BTNL8: variants seen among roughly 807,000 people sequenced by gnomAD.
The protein encoded by BTNL8 is butyrophilin like 8, also known as butyrophilin-like protein 8.
In BTNL8, 22 loss-of-function variants were observed where a neutral mutation model predicts 36.1. That is an observed-to-expected ratio of 0.61 (90% CI 0.44 to 0.87). The LOEUF (loss-of-function observed/expected upper bound fraction) is 0.87, where lower values mean the gene tolerates loss of function less well. Among genes scored for constraint, BTNL8 ranks in the 40% least tolerant of loss-of-function variants. The pLI, the probability that BTNL8 is intolerant of heterozygous loss-of-function variation, is 0.00. For missense variants in BTNL8, 526 were observed against 616.9 expected, an observed-to-expected ratio of 0.85 and a Z score of 1.56; for synonymous variants, 203 against 235.6, an observed-to-expected ratio of 0.86 and a Z score of 1.27.
At chr5:180,901,143 A>G (rs1054502437) in intron 1 of BTNL8, among the ~76,000 whole-genome samples, 3 of 152,244 alleles carry the variant, frequency 2.0e-5, no homozygotes, top group Non-Finnish European at 4.4e-5. Flanking sequence ...TGCCTCATTT[A>G]ATAATACTCT....
intron 3 of BTNL8, among the ~76,000 whole-genome samples, chr5:180,923,698 G>C (rs576327567): frequency 6.1e-4 from 92 of 151,972 alleles, no homozygotes; most frequent in Non-Finnish European, 1.1e-3. Context: ...TTCCAGGAAG[G>C]AAAAAATAGA....
At chr5:180,907,728 C>T (rs1757153092) in intron 1 of BTNL8, among the ~76,000 whole-genome samples, 1 of 152,030 alleles carries the variant, frequency 6.6e-6, no homozygotes, top group Non-Finnish European at 1.5e-5. Flanking sequence ...TGTTTGTTTT[C>T]CTTCTAACAG....
intron 3 of BTNL8, among the ~76,000 whole-genome samples, chr5:180,943,247 G>C (rs1369176173): frequency 6.9e-6 from 1 of 145,692 alleles, no homozygotes; most frequent in African/African-American, 2.6e-5. Context: ...TGATTCTCCT[G>C]CCTCAGCCTC....
chr5:180,931,849 C>T (rs1194060477), intron 3 of BTNL8, among the ~76,000 whole-genome samples: 1 of 152,140 alleles, frequency 6.6e-6, no homozygotes, highest in East Asian at 1.9e-4. Flanking sequence ...AAAGTTTTTA[C>T]ACTATTGGTG....
chr5:180,947,999 T>C (rs1233281396), intron 4 of BTNL8: 5 of 673,086 alleles, frequency 7.4e-6, no homozygotes, highest in African/African-American at 7.2e-5. Context: ...TTATATTCAG[T>C]CTCAATAAGA....
At chr5:180,912,223 T>C (rs1223733553) in intron 3 of BTNL8, among the ~76,000 whole-genome samples, 1 of 152,178 alleles carries the variant, frequency 6.6e-6, no homozygotes, top group Non-Finnish European at 1.5e-5. Flanking sequence ...CCATTGGCTC[T>C]TCTGGTTCTC....
Position 180,935,079 on chromosome 5 carries a change from G to A in BTNL8, c.674-12433G>A, listed in dbSNP as rs977994348. ...CTGCTTCTCACTTCATAGTCCTGAT[G>A]TCTGTCTGAGTCTAGGGGTTTTTAT... On this transcript the variant is annotated intron_variant, in intron 3 of 7. Transcript: ENST00000340184. The surrounding 1 kb of genome is among the most constrained non-coding windows in gnomAD (Gnocchi z 4.8). Among the ~76,000 whole-genome samples the A allele has an allele frequency of 6.6e-6, 1 of 152,190 alleles. No homozygotes were observed. The highest frequency in any genetic ancestry group is 2.4e-5 in the African/African-American group (1 of 41,432).
chr5:180,902,180 T>A (rs1262728293), intron 1 of BTNL8, among the ~76,000 whole-genome samples: 1 of 124,980 alleles, frequency 8.0e-6, no homozygotes, highest in East Asian at 2.2e-4. Flanking sequence ...GAAATGGGGA[T>A]GTTTGGGTTT....
chr5:180,911,066 CT>C (rs1161538260), intron 2 of BTNL8, among the ~76,000 whole-genome samples: 1 of 152,224 alleles, frequency 6.6e-6, no homozygotes, highest in Non-Finnish European at 1.5e-5. Flanking sequence ...ACTCTCTCTA[CT>C]TTAGCTGAGC....
At chr5:180,919,007 G>C (rs929686934) in intron 3 of BTNL8, among the ~76,000 whole-genome samples, 2 of 152,142 alleles carry the variant, frequency 1.3e-5, no homozygotes, top group African/African-American at 4.8e-5. Flanking sequence ...GTCTCTTCGG[G>C]ATCAGACAAA....
At chr5:180,924,719 A>T (rs1053640169) in intron 3 of BTNL8, among the ~76,000 whole-genome samples, 7 of 152,204 alleles carry the variant, frequency 4.6e-5, no homozygotes, top group African/African-American at 1.7e-4. Flanking sequence ...CATTTCTTCA[A>T]ATGTGCAGGC....
At chr5:180,936,042 G>T (rs181336108) in intron 3 of BTNL8, among the ~76,000 whole-genome samples, 210 of 152,016 alleles carry the variant, frequency 1.4e-3, no homozygotes, top group African/African-American at 4.9e-3. Context: ...CCGAGTAGCT[G>T]GGACTACAGG....
At chr5:180,913,087 CA>C in intron 3 of BTNL8, among the ~76,000 whole-genome samples, 1 of 152,248 alleles carries the variant, frequency 6.6e-6, no homozygotes. Flanking sequence ...ACCTGTTCCT[CA>C]GGGTATCTGT....
intron 3 of BTNL8, among the ~76,000 whole-genome samples, chr5:180,936,388 A>G (rs1758655384): frequency 6.6e-6 from 1 of 152,194 alleles, no homozygotes; most frequent in South Asian, 2.1e-4. Flanking sequence ...AAACAAGTCT[A>G]GTAATGTTGA....
intron 3 of BTNL8, among the ~76,000 whole-genome samples, chr5:180,912,020 C>G (rs1399728577): frequency 6.6e-6 from 1 of 152,122 alleles, no homozygotes; most frequent in African/African-American, 2.4e-5. Context: ...GTGGGCTTAT[C>G]CAATCAGCTG....
intron 3 of BTNL8, among the ~76,000 whole-genome samples, chr5:180,929,895 G>A (rs1455599442): frequency 1.3e-5 from 2 of 152,168 alleles, no homozygotes; most frequent in African/African-American, 2.4e-5. Flanking sequence ...ACAAAGAGGA[G>A]CTGGTACTAT....
intron 3 of BTNL8, among the ~76,000 whole-genome samples, chr5:180,936,220 A>G (rs145194262): frequency 6.6e-6 from 1 of 152,036 alleles, no homozygotes; most frequent in Non-Finnish European, 1.5e-5. Context: ...TCTTTCTAAC[A>G]TAGTACTGGA....
chr5:180,941,916 T>TTTTTTTTTTGAGACGGAGTC (rs1172840637), intron 3 of BTNL8, among the ~76,000 whole-genome samples: 3 of 150,514 alleles, frequency 2.0e-5, no homozygotes, highest in African/African-American at 7.4e-5. Context: ...ACTACTCTTA[T>TTTTTTTTTTGAGACGGAGTC]TCAACAAAGT....
chr5:180,914,832 G>C (rs1373993381), intron 3 of BTNL8, among the ~76,000 whole-genome samples: 2 of 152,146 alleles, frequency 1.3e-5, no homozygotes, highest in Admixed American at 6.5e-5. Flanking sequence ...AGGCAAAAAA[G>C]CCAAGAACAG....
Sources: allele counts gnomAD v4.1 joint callset (sites outside exome capture counted in the v4.1 genomes callset), GRCh38; gene constraint gnomAD v4.1.1; non-coding constraint Gnocchi (gnomAD v3.1); transcripts MANE v1.5; gene names NCBI Gene and HGNC (gene_info 2026-07-23, HGNC 2026-07-21).